MCRS1: variants seen among roughly 807,000 people sequenced by gnomAD.
The protein encoded by MCRS1 is microspherule protein 1.
MCRS1 carries 22 observed loss-of-function variants against 62.9 expected under a neutral mutation model. The observed-to-expected ratio is 0.35, with a 90% CI of 0.25 to 0.50. The LOEUF is 0.50. Ranked by LOEUF, MCRS1 falls within the 20% of genes least tolerant of loss-of-function variation. MCRS1 has a pLI of 0.98. For missense variants in MCRS1, 456 were observed against 601.1 expected, an observed-to-expected ratio of 0.76 and a Z score of 2.52; for synonymous variants, 244 against 233.5, an observed-to-expected ratio of 1.04 and a Z score of -0.41.
chr12:49,559,346 G>T lies in MCRS1; in HGVS notation c.1087-45C>A, dbSNP rs771398978. ...GAGGGCTGGGACCTGAAGAATTGGG[G>T]GAGTAGGTCTATGCAGGCCAGAGAA... On this transcript the variant is annotated intron_variant, in intron 12 of 14. Transcript: ENST00000343810. This position sits in a 1 kb window ranked among gnomAD's most constrained non-coding sequence, Gnocchi z 5.2. 2 of 1,607,330 alleles carry T rather than the reference G, an allele frequency of 1.2e-6. No homozygotes were observed. Among genetic ancestry groups the T allele is most frequent in the Admixed American group, 3.3e-5 (2 of 60,006 alleles).
intron 2 of MCRS1, 53 bp from the exon 3 acceptor site, chr12:49,566,268 C>T: frequency 6.3e-7 from 1 of 1,584,942 alleles, no homozygotes; most frequent in Non-Finnish European, 8.6e-7. Flanking sequence ...AGAGCCTCTG[C>T]AAATGGGACC....
Position 49,558,717 on chromosome 12 carries a change from G to A in MCRS1, c.1315C>T (p.Arg439Ter). The change falls in exon 15 of 15, where the codon CGA becomes TGA. Residue 439 changes from arginine to a stop codon, truncating the protein, a stop_gained. Transcript: ENST00000343810. LOFTEE classifies it high-confidence loss of function. ...NNSVVEIASL[R>*]FVFLINQDLI... ...TCCTGGTTGATAAGGAAGACGAATC[G>A]CAGGCTGGCGATCTGGGTGGGAGAC... The A allele has an allele frequency of 1.9e-6, 3 of 1,613,958 alleles. No homozygotes were observed. The highest frequency in any genetic ancestry group is 1.1e-5 in the South Asian group (1 of 91,084).
chr12:49,565,338 G>GT, intron 4 of MCRS1, 191 bp downstream of exon 4: 3 of 985,412 alleles, frequency 3.0e-6, no homozygotes, highest in Non-Finnish European at 3.6e-6. Flanking sequence ...AGGGTTGGGG[G>GT]TGGGGGCTGC....
At chr12:49,564,192 G>T (rs186968754) in intron 6 of MCRS1, among the ~76,000 whole-genome samples, 1 of 151,754 alleles carries the variant, frequency 6.6e-6, no homozygotes, top group Admixed American at 6.6e-5. Context: ...TGCACTCCGG[G>T]CACTCATTTT....
intron 6 of MCRS1, 86 bp from the exon 7 acceptor site, chr12:49,563,632 G>C (rs1938895587): frequency 1.2e-5 from 12 of 1,001,886 alleles, no homozygotes; most frequent in Non-Finnish European, 1.8e-5. Context: ...AAACCTACAG[G>C]CTTTTGAGAT....
chr12:49,560,513 C>A, intron 8 of MCRS1, 143 bp from the exon 9 acceptor site: 1 of 715,344 alleles, frequency 1.4e-6, no homozygotes, highest in South Asian at 1.6e-5. Flanking sequence ...CCAGATTAGG[C>A]TGGGCTCTAA....
Position 49,559,417 on chromosome 12 carries a change from A to G in MCRS1, c.1086+36T>C. The G allele has an allele frequency of 6.2e-7, 1 of 1,613,162 alleles. No homozygotes were observed. ...CGCAGAGAAAGGCACTGACAGAGGA[A>G]GCAGCCTAAGAAGGGCGGGGATGGG... On this transcript the variant is annotated intron_variant, in intron 12 of 14. Coordinates refer to ENST00000343810, the MANE Select transcript of MCRS1 (RefSeq NM_006337.5). The surrounding 1 kb of genome is among the most constrained non-coding windows in gnomAD (Gnocchi z 5.2).
rs1277936010 is a variant in MCRS1 at position 49,559,894 on chromosome 12, G to C, written c.910+45C>G. ...ACCTTGTACTGGTCCTCTTGATTCT[G>C]GCAGGAGCTTCCATCCCCTCACCAC... On this transcript the variant is annotated intron_variant, in intron 10 of 14. Transcript: ENST00000343810. This position sits in a 1 kb window ranked among gnomAD's most constrained non-coding sequence, Gnocchi z 5.2. 1 of 1,614,098 alleles carries C rather than the reference G, an allele frequency of 6.2e-7. No individual in the cohort carries two copies. The highest frequency in any genetic ancestry group is 1.1e-5 in the South Asian group (1 of 91,084).
At position 49,563,010 on chromosome 12, in the gene MCRS1, C is replaced by A. The variant is rs926629887; in HGVS notation, c.796G>T (p.Asp266Tyr). Reference protein sequence around the residue: ...QLMKQYYLLEDQTVQPLPKGD... With the variant: ...QLMKQYYLLEYQTVQPLPKGD... The stretch of plus-strand genomic sequence containing the variant: ...GCTCCTGGGGCGTTACCTGTCTGGT[C>A]CTCCAGCAGGTAATACTGCTTCATG... The change falls in exon 8 of 15, where the codon GAC (aspartate) becomes TAC (tyrosine). Residue 266 changes from aspartate (D) to tyrosine (Y), a missense_variant. Around this residue, in one of 3 missense-constraint regions of MCRS1, gnomAD observed 393 missense variants for 523.5 expected, o/e 0.75. Transcript: ENST00000343810. 1 of 1,600,304 alleles carries A rather than the reference C, an allele frequency of 6.2e-7. No homozygotes were observed. Among genetic ancestry groups the A allele is most frequent in the Admixed American group, 1.7e-5 (1 of 58,906 alleles).
chr12:49,566,870 G>C, intron 1 of MCRS1, 29 bp from the exon 2 acceptor site: 4 of 1,197,036 alleles, frequency 3.3e-6, no homozygotes, highest in Non-Finnish European at 4.8e-6. Flanking sequence ...GCTCCCTGAG[G>C]CTCAGATTTC....
intron 8 of MCRS1, 41 bp from the exon 9 acceptor site, chr12:49,560,411 G>A (rs1393300295): frequency 3.1e-6 from 5 of 1,590,514 alleles, no homozygotes; most frequent in Non-Finnish European, 3.5e-6. Flanking sequence ...CAAGGGTCTT[G>A]CTGAACCCGA....
intron 8 of MCRS1, among the ~76,000 whole-genome samples, chr12:49,562,212 C>A (rs147387546): frequency 1.5e-3 from 232 of 152,290 alleles, no homozygotes; most frequent in African/African-American, 5.4e-3. Flanking sequence ...ACCAATGAAG[C>A]TTCATGTTTG....
rs761910523 is a variant in MCRS1, at chr12:49,564,465, AC to A, written c.557+15del. On this transcript the variant is annotated intron_variant, in intron 6 of 14. Transcript: ENST00000343810. Reference sequence around the variant, plus strand: ...GTCCCAGTACCTCCCCACTGCTGGAACCAGCTCCCACTCACTTGGAGATGAC... The same window carrying A: ...GTCCCAGTACCTCCCCACTGCTGGAACAGCTCCCACTCACTTGGAGATGAC... 3 of 1,601,920 alleles carry A rather than the reference AC, an allele frequency of 1.9e-6. No individual in the cohort carries two copies. The South Asian group carries it at 3.3e-5, about 18-fold the overall frequency.
In MCRS1 at chr12:49,560,336, G is replaced by A; in HGVS notation, c.840C>T (p.Asn280=). Residue 280 remains asparagine (N), a synonymous_variant, in exon 9 of 15, where the codon AAC becomes AAT. Transcript: ENST00000343810. The stretch of plus-strand genomic sequence containing the variant: ...CAATCAGGTCCTCTGCATCAGAGAA[G>A]TTCAGCACTTGGTCCCCTTTGGGCA... ...QPLPKGDQVL[N]FSDAEDLIDD... 1 of 1,614,250 alleles carries A rather than the reference G, an allele frequency of 6.2e-7. No homozygotes were observed. Among genetic ancestry groups the A allele is most frequent in the Non-Finnish European group, 8.5e-7 (1 of 1,180,048 alleles).
rs757449879 is a variant in MCRS1 at position 49,566,154 on chromosome 12, A to G, written c.72T>C (p.Asp24=). The change falls in exon 3 of 15, where the codon GAT becomes GAC. Residue 24 remains aspartate, a synonymous_variant. Transcript: ENST00000343810. ...GCTTCTGCCCTGCCAGTGACTCCTC[A>G]TCCTCTGAGCGGCTGGCAGTGCCTG... is the stretch of plus-strand genomic sequence containing the variant. The part of the protein sequence containing the change: ...MASGTASRSE[D]EESLAGQKRA... 1 of 1,614,190 alleles carries G rather than the reference A, an allele frequency of 6.2e-7. No individual in the cohort carries two copies. The highest frequency in any genetic ancestry group is 1.1e-5 in the South Asian group (1 of 91,086).
chr12:49,561,135 G>A (rs1413579288), intron 8 of MCRS1, among the ~76,000 whole-genome samples: 1 of 152,138 alleles, frequency 6.6e-6, no homozygotes, highest in Non-Finnish European at 1.5e-5. Context: ...TGAGGCAAGA[G>A]GATCTCTTGA....
In MCRS1 at chr12:49,566,753, C is replaced by T; in HGVS notation, c.-22G>A. ...CCATCCTCTTACAGTCCCAAAGCCA[C>T]TGGTTCCAAACCACCGGGCTAGGAG... is the stretch of plus-strand genomic sequence containing the variant. On this transcript the variant is annotated 5_prime_UTR_variant, in exon 2 of 15. It adds an upstream start codon to the 5' untranslated region. Transcript: ENST00000343810. The T allele has an allele frequency of 6.2e-7, 1 of 1,613,506 alleles. No homozygotes were observed. Among genetic ancestry groups the T allele is most frequent in the Non-Finnish European group, 8.5e-7 (1 of 1,179,784 alleles).
chr12:49,563,058 C>A lies in MCRS1; in HGVS notation c.748G>T (p.Ala250Ser), dbSNP rs867152997. Reference sequence around the variant, plus strand: ...ATGAGCTGCCAGTGGGCCTGCAGGGCCTTCGCGGTACGGGCCAGGTAGAAG... The same window carrying A: ...ATGAGCTGCCAGTGGGCCTGCAGGGACTTCGCGGTACGGGCCAGGTAGAAG... ...DAFYLARTAK[A>S]LQAHWQLMKQ... The change falls in exon 8 of 15, where the codon GCC (alanine) becomes TCC (serine). Residue 250 changes from alanine to serine, a missense_variant. Physicochemically the swap from Ala to Ser is moderately conservative, Grantham distance 99 (BLOSUM62 1). This residue lies in a region of MCRS1 where 393 missense variants were observed against 523.5 expected (regional missense o/e 0.75). Coordinates refer to ENST00000343810, the MANE Select transcript of MCRS1 (RefSeq NM_006337.5). 6.3e-7 allele frequency: 1 copy of A among 1,583,320 alleles called. No homozygotes were observed.
chr12:49,559,154 C>T lies in MCRS1; in HGVS notation c.1174+60G>A, dbSNP rs1044523650. ...CCAAGCCCAGGGCTAGAAAGGACAGCGAGAGGCTGGGAGGGACGACCTCAC... is the reference window on the plus strand; with the variant it reads ...CCAAGCCCAGGGCTAGAAAGGACAGTGAGAGGCTGGGAGGGACGACCTCAC... On this transcript the variant is annotated intron_variant, in intron 13 of 14. Coordinates refer to ENST00000343810, the MANE Select transcript of MCRS1 (RefSeq NM_006337.5). The surrounding 1 kb of genome is among the most constrained non-coding windows in gnomAD (Gnocchi z 5.2). The T allele has an allele frequency of 8.9e-6, 14 of 1,573,060 alleles. No homozygotes were observed. The highest frequency in any genetic ancestry group is 3.4e-5 in the Admixed American group (2 of 58,840).
Sources: allele counts gnomAD v4.1 joint callset (sites outside exome capture counted in the v4.1 genomes callset), GRCh38; gene constraint gnomAD v4.1.1; regional missense constraint gnomAD v4.1.1; non-coding constraint Gnocchi (gnomAD v3.1); transcripts MANE v1.5; gene names NCBI Gene and HGNC (gene_info 2026-07-23, HGNC 2026-07-21).